The following PAM variants were observed in gnomAD, a reference collection of about 807,000 sequenced individuals.
PAM encodes peptidyl-glycine alpha-amidating monooxygenase.
In PAM, 72 loss-of-function variants were observed where a neutral mutation model predicts 122.1. The observed-to-expected ratio is 0.59, with a 90% confidence interval of 0.49 to 0.72. The LOEUF is 0.72. Among genes scored for constraint, PAM ranks in the 30% least tolerant of loss-of-function variants. PAM has a pLI of 0.00. For synonymous variants in PAM, 389 were observed against 404.4 expected, an observed-to-expected ratio of 0.96 and a Z score of 0.46; for missense variants, 1,106 against 1,183.7, an observed-to-expected ratio of 0.93 and a Z score of 0.96.
At chr5:102,788,119 T>G (rs1364476825) in intron 1 of PAM, among the ~76,000 whole-genome samples, 3 of 152,126 alleles carry the variant, frequency 2.0e-5, no homozygotes, top group Non-Finnish European at 2.9e-5. Context: ...GTAACAGAAA[T>G]CATCATATAT....
At chr5:102,805,088 T>G (rs1210551872) in intron 1 of PAM, among the ~76,000 whole-genome samples, 1 of 89,666 alleles carries the variant, frequency 1.1e-5, no homozygotes, top group Admixed American at 1.3e-4. Context: ...TTTTTTTTTT[T>G]GAGACGGAGC....
At chr5:102,779,239 T>C (rs1020303414) in intron 1 of PAM, among the ~76,000 whole-genome samples, 35 of 139,666 alleles carry the variant, frequency 2.5e-4, no homozygotes, top group Admixed American at 1.9e-3. Flanking sequence ...TATATATGTG[T>C]ATATATATAT....
At chr5:102,942,889 A>G (rs1040412053) in intron 7 of PAM, among the ~76,000 whole-genome samples, 1 of 151,920 alleles carries the variant, frequency 6.6e-6, no homozygotes, top group African/African-American at 2.4e-5. Flanking sequence ...ATTATTGAAG[A>G]TGTTACTTCT....
intron 1 of PAM, among the ~76,000 whole-genome samples, chr5:102,770,614 A>G (rs1264254585): frequency 7.9e-5 from 12 of 152,096 alleles, no homozygotes. Flanking sequence ...AGCATCAATC[A>G]TGATGATCAT....
intron 18 of PAM, among the ~76,000 whole-genome samples, chr5:103,005,497 G>A (rs1480704087): frequency 6.6e-6 from 1 of 152,104 alleles, no homozygotes; most frequent in Admixed American, 6.5e-5. Context: ...TTCTAGTGAG[G>A]GCCCTCTTCT....
At chr5:102,908,961 T>G (rs1183495608) in intron 4 of PAM, among the ~76,000 whole-genome samples, 1 of 151,828 alleles carries the variant, frequency 6.6e-6, no homozygotes, top group Non-Finnish European at 1.5e-5. Context: ...ACATTAAGGT[T>G]GATTGATCCT....
intron 1 of PAM, among the ~76,000 whole-genome samples, chr5:102,773,808 A>G (rs1756424654): frequency 6.6e-6 from 1 of 152,048 alleles, no homozygotes; most frequent in Admixed American, 6.6e-5. Context: ...GGTTTGTTGT[A>G]CAGACTTTTT....
intron 1 of PAM, among the ~76,000 whole-genome samples, chr5:102,770,074 C>T (rs534931380): frequency 3.7e-4 from 57 of 152,150 alleles, no homozygotes; most frequent in Middle Eastern, 6.8e-3. Flanking sequence ...AGATCTTTTA[C>T]ATCTTTGATT....
At chr5:102,888,232 T>C (rs1296026826) in intron 3 of PAM, among the ~76,000 whole-genome samples, 1 of 151,900 alleles carries the variant, frequency 6.6e-6, no homozygotes, top group Non-Finnish European at 1.5e-5. Flanking sequence ...GAATTTCCAC[T>C]GCTACTCTCC....
At chr5:102,788,048 A>C (rs914340980) in intron 1 of PAM, among the ~76,000 whole-genome samples, 1 of 152,118 alleles carries the variant, frequency 6.6e-6, no homozygotes, top group African/African-American at 2.4e-5. Flanking sequence ...GGAAAGTCCT[A>C]TTTCAGTTCA....
At chr5:102,786,277 C>T (rs1760507034) in intron 1 of PAM, among the ~76,000 whole-genome samples, 1 of 152,200 alleles carries the variant, frequency 6.6e-6, no homozygotes, top group East Asian at 1.9e-4. Flanking sequence ...GTTACTTAAA[C>T]TCTGAGCGTC....
chr5:102,876,200 C>T (rs1789154252), intron 3 of PAM, among the ~76,000 whole-genome samples: 1 of 152,132 alleles, frequency 6.6e-6, no homozygotes, highest in Admixed American at 6.6e-5. Flanking sequence ...TTCTTTTCAT[C>T]CTGTCTTCCA....
At chr5:103,001,485 G>A (rs190976420) in intron 16 of PAM, among the ~76,000 whole-genome samples, 5 of 152,086 alleles carry the variant, frequency 3.3e-5, no homozygotes, top group East Asian at 1.9e-4. Flanking sequence ...AGATACCACT[G>A]TGTGGTTTTT....
chr5:102,849,808 A>G (rs547721845), intron 1 of PAM, among the ~76,000 whole-genome samples: 4 of 152,162 alleles, frequency 2.6e-5, no homozygotes, highest in Admixed American at 6.5e-5. Flanking sequence ...GAATATCAAC[A>G]TATTCGGGAA....
At position 102,990,283 on chromosome 5, in the gene PAM, G is replaced by A; in HGVS notation, c.1495G>A (p.Glu499Lys). ...EPEHTGDFHM[E>K]EALDWPGVYL... ...GATATATCTTTTAGATTTCCACATG[G>A]AAGAGGCACTGGATTGGCCTGGAGT... Residue 499 changes from glutamate to lysine, a missense_variant, in exon 16 of 26, where the codon GAA becomes AAA. Physicochemically the swap from Glu to Lys is moderately conservative, Grantham distance 56. This residue lies in a region of PAM where 670 missense variants were observed against 690.3 expected (regional missense o/e 0.97). Transcript: ENST00000438793. 2 of 1,549,654 alleles carry A rather than the reference G, an allele frequency of 1.3e-6. 1 individual carries two copies.
At chr5:102,807,946 T>C (rs992056014) in intron 1 of PAM, 2 of 152,224 alleles carry the variant, frequency 1.3e-5, no homozygotes, top group Non-Finnish European at 2.9e-5. Flanking sequence ...CCTCTTGCTC[T>C]GTGTCACACC....
intron 14 of PAM, among the ~76,000 whole-genome samples, chr5:102,973,025 G>C (rs1766393057): frequency 6.6e-6 from 1 of 152,150 alleles, no homozygotes; most frequent in African/African-American, 2.4e-5. Context: ...GGCTAAACCA[G>C]TTATCATTTT....
intron 23 of PAM, among the ~76,000 whole-genome samples, chr5:103,022,131 G>A (rs1255794602): frequency 8.5e-6 from 1 of 117,820 alleles, no homozygotes; most frequent in East Asian, 2.5e-4. Flanking sequence ...AGATGATAAT[G>A]GCCAATCACT....
chr5:102,991,468 G>A (rs1421480277), intron 16 of PAM, among the ~76,000 whole-genome samples: 1 of 151,424 alleles, frequency 6.6e-6, no homozygotes, highest in Admixed American at 6.6e-5. Flanking sequence ...TATAACTATG[G>A]GTCTCATTTG....
Sources: allele counts gnomAD v4.1 joint callset (sites outside exome capture counted in the v4.1 genomes callset), GRCh38; gene constraint gnomAD v4.1.1; regional missense constraint gnomAD v4.1.1; transcripts MANE v1.5; gene names NCBI Gene and HGNC (gene_info 2026-07-23, HGNC 2026-07-21).